Variants in XKR4 observed in about 807,000 individuals in gnomAD.
XKR4 encodes the protein XK-related protein 4.
A neutral mutation model predicts 53.9 loss-of-function variants in XKR4; 12 were observed. That is an observed-to-expected ratio of 0.22 (90% CI 0.14 to 0.36). The LOEUF (loss-of-function observed/expected upper bound fraction) is 0.36. Among genes scored for constraint, XKR4 ranks in the 10% least tolerant of loss-of-function variants. XKR4 has a pLI of 1.00. For missense variants in XKR4, 799 were observed against 859.5 expected, an observed-to-expected ratio of 0.93 and a Z score of 0.88; for synonymous variants, 354 against 362.4, an observed-to-expected ratio of 0.98 and a Z score of 0.26.
In XKR4 at chr8:55,523,974, A is replaced by C; in HGVS notation, c.1700A>C (p.Asp567Ala). 6.2e-7 allele frequency: 1 copy of C among 1,614,108 alleles called. No homozygotes were observed. The highest frequency in any genetic ancestry group is 8.5e-7 in the Non-Finnish European group (1 of 1,180,016). Residue 567 changes from aspartate to alanine, a missense_variant, in exon 3 of 3, where the codon GAT (aspartate) becomes GCT (alanine). Physicochemically the swap from Asp to Ala is moderately radical, Grantham distance 126. Transcript: ENST00000327381. ...CGCGATCAGAAATTCGCAGAGCGGG[A>C]TGGGTGTGTACCTGTCTTTCAAGTG... is the stretch of plus-strand genomic sequence containing the variant. ...SDRDQKFAER[D>A]GCVPVFQVRP... is the part of the protein sequence containing the mutation.
intron 1 of XKR4, among the ~76,000 whole-genome samples, chr8:55,177,348 A>G (rs1056632733): frequency 5.3e-5 from 8 of 152,134 alleles, no homozygotes; most frequent in African/African-American, 1.9e-4. Flanking sequence ...CTTCTTAACT[A>G]TAAGACAATT....
At chr8:55,208,745 A>G (rs991582241) in intron 1 of XKR4, among the ~76,000 whole-genome samples, 29 of 152,024 alleles carry the variant, frequency 1.9e-4, no homozygotes, top group African/African-American at 4.3e-4. Flanking sequence ...GATTACAGGC[A>G]TGAGCCACCA....
intron 1 of XKR4, among the ~76,000 whole-genome samples, chr8:55,186,491 TA>T (rs1237877215): frequency 2.6e-5 from 4 of 151,396 alleles, no homozygotes; most frequent in Admixed American, 2.6e-4. Context: ...CCGTCTCTAC[TA>T]AAAATAAAAA....
chr8:55,449,881 C>A, intron 2 of XKR4: 1 of 919,936 alleles, frequency 1.1e-6, no homozygotes, highest in Non-Finnish European at 1.8e-6. Flanking sequence ...GGTGCTGGTG[C>A]TGCCGCAGGC....
At chr8:55,368,026 T>A (rs1804017986) in intron 2 of XKR4, among the ~76,000 whole-genome samples, 1 of 152,178 alleles carries the variant, frequency 6.6e-6, no homozygotes, top group African/African-American at 2.4e-5. Flanking sequence ...AGTGGCACAA[T>A]CTCGGCTCAC....
At position 55,173,479 on chromosome 8, in the gene XKR4, C is replaced by T. The variant is rs141618170; in HGVS notation, c.806+70185C>T. On this transcript the variant is annotated intron_variant, in intron 1 of 2. Transcript: ENST00000327381. ...TGAAAGAACGTATAGCTTTAGAACACATGATACTGTTTCATGCTTTACACC... is the reference window on the plus strand; with the variant it reads ...TGAAAGAACGTATAGCTTTAGAACATATGATACTGTTTCATGCTTTACACC... Among the ~76,000 whole-genome samples, 516 of 152,284 alleles carry T rather than the reference C, an allele frequency of 3.4e-3. 3 individuals are homozygous for T. The highest frequency in any genetic ancestry group is 0.012 in the African/African-American group (481 of 41,560).
At chr8:55,269,077 C>T (rs1204549462) in intron 1 of XKR4, among the ~76,000 whole-genome samples, 3 of 152,002 alleles carry the variant, frequency 2.0e-5, no homozygotes, top group East Asian at 1.9e-4. Context: ...TTCTACTGTG[C>T]GTGGTGCACA....
intron 2 of XKR4, among the ~76,000 whole-genome samples, chr8:55,439,580 A>G (rs1805235648): frequency 6.6e-6 from 1 of 152,238 alleles, no homozygotes; most frequent in African/African-American, 2.4e-5. Context: ...AAAAACTAAA[A>G]TAAAATTTGT....
chr8:55,305,605 AT>A (rs1819284391), intron 1 of XKR4, among the ~76,000 whole-genome samples: 1 of 152,206 alleles, frequency 6.6e-6, no homozygotes, highest in African/African-American at 2.4e-5. Context: ...GCATAATAAT[AT>A]TAATACTTCA....
intron 1 of XKR4, among the ~76,000 whole-genome samples, chr8:55,339,343 C>G (rs1279861142): frequency 6.6e-6 from 1 of 152,176 alleles, no homozygotes; most frequent in East Asian, 1.9e-4. Flanking sequence ...TAAGTAGCAC[C>G]ACTTTCATAA....
intron 1 of XKR4, among the ~76,000 whole-genome samples, chr8:55,204,722 T>C (rs1458683707): frequency 2.0e-5 from 3 of 152,226 alleles, no homozygotes; most frequent in Non-Finnish European, 1.5e-5. Flanking sequence ...GGAAAGAATA[T>C]TTTGAGCTGG....
intron 2 of XKR4, among the ~76,000 whole-genome samples, chr8:55,469,288 GA>G (rs1460030045): frequency 1.3e-5 from 2 of 152,026 alleles, no homozygotes; most frequent in Admixed American, 6.6e-5. Flanking sequence ...TTTTTTGTTA[GA>G]TTAAGAACAA....
chr8:55,219,264 C>A (rs551014651), intron 1 of XKR4, among the ~76,000 whole-genome samples: 1 of 145,762 alleles, frequency 6.9e-6, no homozygotes, highest in Non-Finnish European at 1.5e-5. Flanking sequence ...CATGGACCTG[C>A]GATGGATCTT....
At position 55,495,431 on chromosome 8, in the gene XKR4, T is replaced by C. The variant is rs550460961; in HGVS notation, c.1007-27850T>C. Among the ~76,000 whole-genome samples the C allele has an allele frequency of 2.4e-3, 372 of 152,304 alleles. 1 individual carries two copies. Among genetic ancestry groups the C allele is most frequent in the Non-Finnish European group, 3.9e-3 (262 of 68,012 alleles). ...CAGCTCCTGCTGGCTCCATGGAGCA[T>C]GAACCCCCAGCTGTGCTTCCTCACA... On this transcript the variant is annotated intron_variant, in intron 2 of 2. Coordinates refer to ENST00000327381, the MANE Select transcript of XKR4 (RefSeq NM_052898.2).
In XKR4 at chr8:55,175,529, G is replaced by A. The variant is rs79326516; in HGVS notation, c.806+72235G>A. On this transcript the variant is annotated intron_variant, in intron 1 of 2. Coordinates refer to ENST00000327381, the MANE Select transcript of XKR4 (RefSeq NM_052898.2). ...ATCAAGATTTATGCTTGGTCATTCA[G>A]TGACTGAAGAAACCTTATTTAGGCA... 7.1e-3 allele frequency among the ~76,000 whole-genome samples: 1,085 copies of A among 152,276 alleles called. 18 individuals carry two copies. Among genetic ancestry groups the A allele is most frequent in the African/African-American group, 0.025 (1,032 of 41,538 alleles).
chr8:55,520,061 C>G (rs188548787), intron 2 of XKR4, among the ~76,000 whole-genome samples: 3 of 152,180 alleles, frequency 2.0e-5, no homozygotes, highest in Non-Finnish European at 2.9e-5. Context: ...ATATCAGAAG[C>G]TCCAGAGAAC....
rs371617073 is a variant in XKR4 at position 55,457,299 on chromosome 8, C to T, written c.1007-65982C>T. Among the ~76,000 whole-genome samples, 33 of 152,136 alleles carry T rather than the reference C, an allele frequency of 2.2e-4. 1 individual carries two copies. Among genetic ancestry groups the T allele is most frequent in the Admixed American group, 1.2e-3 (19 of 15,294 alleles). ...CTGGGACTACAGGCGCCCACCACCACGCCCAGCTAATTTTTTGTATTTTTA... is the reference window on the plus strand; with the variant it reads ...CTGGGACTACAGGCGCCCACCACCATGCCCAGCTAATTTTTTGTATTTTTA... On this transcript the variant is annotated intron_variant, in intron 2 of 2. Coordinates refer to ENST00000327381, the MANE Select transcript of XKR4 (RefSeq NM_052898.2).
intron 2 of XKR4, among the ~76,000 whole-genome samples, chr8:55,492,752 C>T (rs984651408): frequency 6.6e-6 from 1 of 152,230 alleles, no homozygotes; most frequent in Non-Finnish European, 1.5e-5. Flanking sequence ...GTCTTTCTTT[C>T]TGTCTTAAAA....
intron 1 of XKR4, among the ~76,000 whole-genome samples, chr8:55,341,017 C>G (rs570768541): frequency 2.0e-5 from 3 of 152,136 alleles, no homozygotes; most frequent in Non-Finnish European, 2.9e-5. Context: ...GAGCATGGAA[C>G]TCATGTAATA....
Sources: allele counts gnomAD v4.1 joint callset (sites outside exome capture counted in the v4.1 genomes callset), GRCh38; gene constraint gnomAD v4.1.1; transcripts MANE v1.5; gene names NCBI Gene and HGNC (gene_info 2026-07-23, HGNC 2026-07-21).